The following MYZAP variants were observed in gnomAD, a reference collection of about 807,000 sequenced individuals.
MYZAP encodes the protein myocardial zonula adherens protein.
Under a neutral mutation model 69.4 loss-of-function variants are expected in MYZAP, and 66 were observed. That is an observed-to-expected ratio of 0.95 (90% CI 0.78 to 1.17). The LOEUF is 1.17. Ranked by LOEUF, MYZAP falls within the 50% of genes most tolerant of loss-of-function variation. The probability of loss-of-function intolerance (pLI) is 0.00; values close to 1 mark genes in which losing one functional copy is unlikely to be tolerated. For missense variants in MYZAP, 611 were observed against 556.2 expected (o/e 1.10, Z -0.99); for synonymous variants, 256 against 205.9 (o/e 1.24, Z -2.09).
intron 10 of MYZAP, among the ~76,000 whole-genome samples, chr15:57,650,695 C>T (rs1306713740): frequency 6.6e-6 from 1 of 152,138 alleles, no homozygotes; most frequent in Admixed American, 6.5e-5. Flanking sequence ...TAGTTCCTGC[C>T]AGGACAAACT....
At chr15:57,608,779 G>A (rs2034920598) in intron 2 of MYZAP, among the ~76,000 whole-genome samples, 1 of 152,174 alleles carries the variant, frequency 6.6e-6, no homozygotes, top group African/African-American at 2.4e-5. Context: ...TAGACCTTCT[G>A]GAGTTATTCT....
intron 2 of MYZAP, among the ~76,000 whole-genome samples, chr15:57,610,267 C>A (rs1431622652): frequency 6.6e-6 from 1 of 152,242 alleles, no homozygotes; most frequent in East Asian, 1.9e-4. Flanking sequence ...TTTCATAACC[C>A]AATAAAATGT....
chr15:57,653,879 C>A (rs1461600013), intron 10 of MYZAP, among the ~76,000 whole-genome samples: 1 of 151,700 alleles, frequency 6.6e-6, no homozygotes, highest in African/African-American at 2.4e-5. Context: ...GTTGATCACA[C>A]CTGTAATCCT....
At position 57,621,252 on chromosome 15, in the gene MYZAP, C is replaced by T. The variant is rs59012941; in HGVS notation, c.319-356C>T. 5.1e-3 allele frequency among the ~76,000 whole-genome samples: 732 copies of T among 143,350 alleles called. 4 individuals are homozygous for T. Among genetic ancestry groups the T allele is most frequent in the African/African-American group, 0.018 (710 of 38,698 alleles). The allele number at this position is 143,350 out of a possible 152,430, so 94.0% of individuals were successfully genotyped here. On this transcript the variant is annotated intron_variant, in intron 3 of 12. Transcript: ENST00000267853. ...TTGAGATGGAGTCTTGCTCTGTCAC[C>T]CAGGCTGGAGTGCAGTGGCATGATC... is the stretch of plus-strand genomic sequence containing the variant.
rs181603961 is a variant in MYZAP, at chr15:57,616,498, C to T, written c.163-1535C>T. 5.8e-3 allele frequency among the ~76,000 whole-genome samples: 884 copies of T among 152,104 alleles called. 14 individuals carry two copies. The highest frequency in any genetic ancestry group is 0.02 in the African/African-American group (836 of 41,498). On this transcript the variant is annotated intron_variant, in intron 2 of 12. Coordinates refer to ENST00000267853, the MANE Select transcript of MYZAP (RefSeq NM_001018100.5). ...ACTGAAAATACAAAAATTAGTTGGG[C>T]GTGGTGGCGCGCTTCTAGTCCCAGC... is the stretch of plus-strand genomic sequence containing the variant.
intron 1 of MYZAP, chr15:57,599,663 T>TTCAGGAGACCATGGAGATCAGCC (rs1400339418): frequency 2.3e-6 from 3 of 1,289,174 alleles, no homozygotes; most frequent in East Asian, 1.1e-4. Context: ...GTATCCGAGT[T>TTCAGGAGACCATGGAGATCAGCC]TCAGGAGACC....
Position 57,667,986 on chromosome 15 carries a change from G to T in MYZAP, c.1203+6453G>T, listed in dbSNP as rs950036202. 7.2e-5 allele frequency among the ~76,000 whole-genome samples: 11 copies of T among 151,948 alleles called. No individual in the cohort carries two copies. In the East Asian group the frequency reaches 7.8e-4, roughly 11 times the overall value. On this transcript the variant is annotated intron_variant, in intron 11 of 12. Transcript: ENST00000267853. The stretch of plus-strand genomic sequence containing the variant: ...GGTGAGTCACTTTTTATCACTTTTG[G>T]TCACTATGGATTTCCATTTAGTGGG...
chr15:57,674,049 C>T (rs2039000884), intron 11 of MYZAP, among the ~76,000 whole-genome samples: 1 of 152,154 alleles, frequency 6.6e-6, no homozygotes, highest in Non-Finnish European at 1.5e-5. Flanking sequence ...TTTAGTCTAG[C>T]GTTACTGAAA....
At chr15:57,677,361 C>A (rs560171552) in intron 12 of MYZAP, among the ~76,000 whole-genome samples, 2 of 152,298 alleles carry the variant, frequency 1.3e-5, no homozygotes, top group South Asian at 2.1e-4. Flanking sequence ...TCTAGTTAAT[C>A]CCCATGTTTT....
At chr15:57,666,029 T>C (rs549567749) in intron 11 of MYZAP, among the ~76,000 whole-genome samples, 24 of 152,350 alleles carry the variant, frequency 1.6e-4, no homozygotes, top group African/African-American at 5.5e-4. Context: ...GATTAAATAA[T>C]AGATACAAAA....
intron 10 of MYZAP, among the ~76,000 whole-genome samples, chr15:57,645,828 T>C (rs531352450): frequency 1.2e-4 from 18 of 152,346 alleles, no homozygotes; most frequent in African/African-American, 3.6e-4. Context: ...TGTGCTGTTT[T>C]CTAGCTTAGC....
intron 12 of MYZAP, among the ~76,000 whole-genome samples, chr15:57,679,899 G>T (rs1338146091): frequency 6.6e-6 from 1 of 152,274 alleles, no homozygotes; most frequent in African/African-American, 2.4e-5. Context: ...GGCCGAGTGC[G>T]CCATCTCTTT....
chr15:57,673,480 G>A (rs1441796783), intron 11 of MYZAP, among the ~76,000 whole-genome samples: 5 of 148,302 alleles, frequency 3.4e-5, no homozygotes, highest in African/African-American at 1.2e-4. Context: ...GTGTGTGTGT[G>A]TGTGTGTGTG....
chr15:57,610,817 G>A (rs2035059220), intron 2 of MYZAP, among the ~76,000 whole-genome samples: 1 of 152,138 alleles, frequency 6.6e-6, no homozygotes, highest in Non-Finnish European at 1.5e-5. Flanking sequence ...GCTGGGAATA[G>A]TGTCTGAAAA....
chr15:57,592,053 A>C lies in MYZAP; in HGVS notation c.19A>C (p.Thr7Pro). 7.0e-7 allele frequency: 1 copy of C among 1,424,268 alleles called. No individual in the cohort carries two copies. The highest frequency in any genetic ancestry group is 9.1e-7 in the Non-Finnish European group (1 of 1,093,002). The allele number at this position is 1,424,268 out of a possible 1,614,324, so 88.2% of individuals were successfully genotyped here. The change falls in exon 1 of 13, where the codon ACG (threonine) becomes CCG (proline). Residue 7 changes from threonine (T) to proline (P), a missense_variant. By Grantham distance (38) the Thr-to-Pro change is conservative. Coordinates refer to ENST00000267853, the MANE Select transcript of MYZAP (RefSeq NM_001018100.5). The part of the protein sequence containing the change: MLRSTS[T>P]VTLLSGGAAR... ...CTGCGGGATGCTGCGCTCCACGTCC[A>C]CGGTCACCCTGCTCTCGGGCGGCGC... is the stretch of plus-strand genomic sequence containing the variant.
rs189726595 is a variant in MYZAP at position 57,640,841 on chromosome 15, G to T, written c.1119+1296G>T. 7.9e-5 allele frequency among the ~76,000 whole-genome samples: 12 copies of T among 152,306 alleles called. No individual in the cohort carries two copies. In the East Asian group the frequency reaches 1.9e-3, roughly 24 times the overall value. On this transcript the variant is annotated intron_variant, in intron 10 of 12. Coordinates refer to ENST00000267853, the MANE Select transcript of MYZAP (RefSeq NM_001018100.5). ...TGGAATAGCAGAGGAGGCCACGCAC[G>T]CATCTTTGCAATCGTTTTGTGCATC... is the stretch of plus-strand genomic sequence containing the variant.
At chr15:57,625,241 T>G (rs1288947986) in intron 4 of MYZAP, among the ~76,000 whole-genome samples, 1 of 152,052 alleles carries the variant, frequency 6.6e-6, no homozygotes, top group Non-Finnish European at 1.5e-5. Context: ...GCCTGGCTAA[T>G]TTTTGTATTT....
At chr15:57,677,301 T>C (rs1414547851) in intron 12 of MYZAP, among the ~76,000 whole-genome samples, 8 of 152,192 alleles carry the variant, frequency 5.3e-5, no homozygotes, top group African/African-American at 1.9e-4. Flanking sequence ...CCAAGTAAGA[T>C]TCTGTTTGAA....
At chr15:57,641,822 G>A (rs1313001185) in intron 10 of MYZAP, among the ~76,000 whole-genome samples, 1 of 152,166 alleles carries the variant, frequency 6.6e-6, no homozygotes, top group African/African-American at 2.4e-5. Flanking sequence ...TTAAAAGTTA[G>A]AAACATGGTC....
Sources: gnomAD v4.1 joint callset for allele counts (sites outside exome capture counted in the v4.1 genomes callset) on GRCh38, gnomAD v4.1.1 for gene constraint, MANE v1.5 for transcripts, NCBI Gene and HGNC (gene_info 2026-07-23, HGNC 2026-07-21) for gene names.